The following KAT2B variants were observed in gnomAD, a reference collection of about 807,000 sequenced individuals.
KAT2B encodes the protein lysine acetyltransferase 2B, also known as histone acetyltransferase KAT2B.
Under a neutral mutation model 105.9 loss-of-function variants are expected in KAT2B, and 36 were observed. The ratio of observed to expected loss-of-function variants is 0.34; its 90% CI spans 0.26 to 0.45. The LOEUF is 0.45. KAT2B is among the 20% of genes least tolerant of loss of function. The probability of loss-of-function intolerance (pLI) is 1.00; values close to 1 mark genes in which losing one functional copy is unlikely to be tolerated. For missense variants in KAT2B, 820 were observed against 1,021.6 expected, an observed-to-expected ratio of 0.80 and a Z score of 2.69; for synonymous variants, 397 against 377.9, an observed-to-expected ratio of 1.05 and a Z score of -0.59.
At chr3:20,078,877 C>CA (rs1698468013) in intron 2 of KAT2B, among the ~76,000 whole-genome samples, 1 of 133,754 alleles carries the variant, frequency 7.5e-6, no homozygotes, top group Non-Finnish European at 1.6e-5. Flanking sequence ...ACTCCCAGAG[C>CA]TTTTTTTTTT....
intron 5 of KAT2B, among the ~76,000 whole-genome samples, chr3:20,111,101 G>A (rs1201643364): frequency 6.6e-6 from 1 of 152,232 alleles, no homozygotes; most frequent in South Asian, 2.1e-4. Context: ...TCACAAAAGG[G>A]TCTTCCTCAG....
intron 1 of KAT2B, among the ~76,000 whole-genome samples, chr3:20,057,649 G>A (rs1297421677): frequency 6.6e-6 from 1 of 152,114 alleles, no homozygotes; most frequent in Admixed American, 6.5e-5. Flanking sequence ...AATTGTCTTG[G>A]ATTTAGCATT....
At chr3:20,109,174 C>G (rs1477677262) in intron 5 of KAT2B, among the ~76,000 whole-genome samples, 2 of 152,154 alleles carry the variant, frequency 1.3e-5, no homozygotes, top group Non-Finnish European at 2.9e-5. Flanking sequence ...TACAGATAGT[C>G]TTGTGATTGC....
intron 2 of KAT2B, 87 bp downstream of exon 2, chr3:20,072,546 T>A: frequency 7.7e-7 from 1 of 1,291,764 alleles, no homozygotes; most frequent in Non-Finnish European, 1.1e-6. Context: ...GTTCACCAAA[T>A]TTGAATGCTG....
chr3:20,056,002 A>G (rs1697998021), intron 1 of KAT2B, among the ~76,000 whole-genome samples: 1 of 152,206 alleles, frequency 6.6e-6, no homozygotes, highest in African/African-American at 2.4e-5. Context: ...ATTCTGCTGT[A>G]TGGACGTACT....
intron 2 of KAT2B, among the ~76,000 whole-genome samples, chr3:20,083,220 C>A (rs1170001642): frequency 6.6e-6 from 1 of 150,772 alleles, no homozygotes. Flanking sequence ...TAGATTTGTG[C>A]ATTGTAGTTT....
At chr3:20,135,092 A>G (rs1424962559) in intron 11 of KAT2B, among the ~76,000 whole-genome samples, 5 of 152,054 alleles carry the variant, frequency 3.3e-5, no homozygotes, top group Admixed American at 6.5e-5. Flanking sequence ...TATCTTCCCC[A>G]TTTTACTATC....
chr3:20,042,218 T>C (rs1233974493), intron 1 of KAT2B, among the ~76,000 whole-genome samples: 2 of 152,228 alleles, frequency 1.3e-5, no homozygotes, highest in Non-Finnish European at 2.9e-5. Context: ...CTGGACAATA[T>C]ATTATTTGTC....
At chr3:20,069,139 C>A (rs1408001945) in intron 1 of KAT2B, among the ~76,000 whole-genome samples, 1 of 152,140 alleles carries the variant, frequency 6.6e-6, no homozygotes, top group Non-Finnish European at 1.5e-5. Context: ...TTGACATATT[C>A]ATTGCGTATG....
chr3:20,152,289 T>G, intron 17 of KAT2B, 43 bp from the exon 18 acceptor site: 2 of 1,468,768 alleles, frequency 1.4e-6, no homozygotes, highest in Non-Finnish European at 1.9e-6. Context: ...AGCTGGTGTT[T>G]AAAGGGAGTC....
intron 3 of KAT2B, among the ~76,000 whole-genome samples, chr3:20,098,189 C>T (rs1698845373): frequency 6.6e-6 from 1 of 151,106 alleles, no homozygotes; most frequent in Admixed American, 6.6e-5. Context: ...GAGATCATGC[C>T]ACTGCACTCC....
At chr3:20,134,140 T>G (rs763084224) in intron 11 of KAT2B, among the ~76,000 whole-genome samples, 35 of 152,216 alleles carry the variant, frequency 2.3e-4, no homozygotes, top group Non-Finnish European at 4.0e-4. Flanking sequence ...TTTTACTTCA[T>G]GCTTTTGCAT....
chr3:20,143,742 T>C (rs1245738075), intron 13 of KAT2B, among the ~76,000 whole-genome samples: 1 of 152,100 alleles, frequency 6.6e-6, no homozygotes, highest in Non-Finnish European at 1.5e-5. Flanking sequence ...ACAGTGTGGG[T>C]TTAGCTGGGG....
chr3:20,080,765 A>G (rs1194497025), intron 2 of KAT2B, among the ~76,000 whole-genome samples: 1 of 152,230 alleles, frequency 6.6e-6, no homozygotes, highest in Non-Finnish European at 1.5e-5. Context: ...TGAAATGCAC[A>G]CAGGTTTTGA....
At position 20,056,113 on chromosome 3, in the gene KAT2B, G is replaced by A. The variant is rs138400645; in HGVS notation, c.303+15333G>A. Among the ~76,000 whole-genome samples, 1,145 of 152,294 alleles carry A rather than the reference G, an allele frequency of 7.5e-3. 60 individuals are homozygous for A. Among genetic ancestry groups the A allele is most frequent in the Admixed American group, 0.067 (1,031 of 15,280 alleles). Reference sequence around the variant, plus strand: ...GTGACCCCTCTGGCTGCTCTGAGAAGAATAAAGTATATGAGAGAAACAGTA... The same window carrying A: ...GTGACCCCTCTGGCTGCTCTGAGAAAAATAAAGTATATGAGAGAAACAGTA... On this transcript the variant is annotated intron_variant, in intron 1 of 17. Transcript: ENST00000263754.
intron 5 of KAT2B, among the ~76,000 whole-genome samples, chr3:20,103,881 T>C (rs1652363339): frequency 6.6e-6 from 1 of 152,148 alleles, no homozygotes; most frequent in Admixed American, 6.5e-5. Flanking sequence ...TTTAGACCAG[T>C]CTCTGGTCTA....
chr3:20,142,195 T>C (rs533800874), intron 13 of KAT2B, among the ~76,000 whole-genome samples: 3 of 152,280 alleles, frequency 2.0e-5, no homozygotes, highest in East Asian at 1.9e-4. Context: ...AGAGCTATTT[T>C]AGATGGCTAA....
chr3:20,042,871 C>A (rs1228242763), intron 1 of KAT2B, among the ~76,000 whole-genome samples: 1 of 151,852 alleles, frequency 6.6e-6, no homozygotes, highest in Non-Finnish European at 1.5e-5. Flanking sequence ...CTTTCATGAC[C>A]CAACAAGAGA....
At chr3:20,081,265 T>C (rs1227380536) in intron 2 of KAT2B, among the ~76,000 whole-genome samples, 1 of 152,322 alleles carries the variant, frequency 6.6e-6, no homozygotes, top group East Asian at 1.9e-4. Flanking sequence ...CTGCAGGGCA[T>C]GTGAGGACTG....
Sources: allele counts gnomAD v4.1 joint callset (sites outside exome capture counted in the v4.1 genomes callset), GRCh38; gene constraint gnomAD v4.1.1; transcripts MANE v1.5; gene names NCBI Gene and HGNC (gene_info 2026-07-23, HGNC 2026-07-21).